C8orf34: variants seen among roughly 807,000 people sequenced by gnomAD.
C8orf34 encodes the protein chromosome 8 open reading frame 34.
A neutral mutation model predicts 68.3 loss-of-function variants in C8orf34; 65 were observed. The observed-to-expected ratio is 0.95, with a 90% confidence interval of 0.78 to 1.17. The LOEUF is 1.17. C8orf34 is among the 50% of genes most tolerant of loss of function. The probability of loss-of-function intolerance (pLI) is 0.00; values close to 1 mark genes in which losing one functional copy is unlikely to be tolerated. For missense variants in C8orf34, 664 were observed against 655.4 expected, an observed-to-expected ratio of 1.01 and a Z score of -0.14; for synonymous variants, 244 against 241.2, an observed-to-expected ratio of 1.01 and a Z score of -0.11.
chr8:68,595,734 T>A (rs1817530313), intron 7 of C8orf34, among the ~76,000 whole-genome samples: 1 of 152,060 alleles, frequency 6.6e-6, no homozygotes, highest in Non-Finnish European at 1.5e-5. Flanking sequence ...CTTTTGTGTA[T>A]TTTTTCTGTA....
At chr8:68,672,356 G>A (rs1482090805) in intron 8 of C8orf34, among the ~76,000 whole-genome samples, 1 of 152,126 alleles carries the variant, frequency 6.6e-6, no homozygotes, top group Non-Finnish European at 1.5e-5. Context: ...CACTGAAAGG[G>A]GCACTGAAGA....
intron 1 of C8orf34, among the ~76,000 whole-genome samples, chr8:68,422,653 C>T (rs962610045): frequency 1.3e-5 from 2 of 152,196 alleles, no homozygotes; most frequent in Non-Finnish European, 2.9e-5. Context: ...TGGTAGCCCT[C>T]TTCTCACAGC....
At chr8:68,412,764 A>G (rs1045826427) in intron 1 of C8orf34, among the ~76,000 whole-genome samples, 10 of 152,088 alleles carry the variant, frequency 6.6e-5, no homozygotes, top group Non-Finnish European at 1.3e-4. Flanking sequence ...GCTTTCAGCC[A>G]TCCTTCTCTC....
At chr8:68,716,221 C>T (rs1228310345) in intron 9 of C8orf34, among the ~76,000 whole-genome samples, 1 of 152,030 alleles carries the variant, frequency 6.6e-6, no homozygotes, top group Non-Finnish European at 1.5e-5. Context: ...GTGTACACTG[C>T]TCCAGTGATG....
chr8:68,539,120 TA>T (rs1357599340), intron 7 of C8orf34, among the ~76,000 whole-genome samples: 1 of 152,218 alleles, frequency 6.6e-6, no homozygotes, highest in Non-Finnish European at 1.5e-5. Context: ...ATTCACTGTG[TA>T]AACAAACCTA....
chr8:68,425,598 T>C (rs1810174674), intron 1 of C8orf34, among the ~76,000 whole-genome samples: 1 of 152,174 alleles, frequency 6.6e-6, no homozygotes, highest in Non-Finnish European at 1.5e-5. Flanking sequence ...TTAAAACATT[T>C]AGCATCTCCA....
intron 7 of C8orf34, among the ~76,000 whole-genome samples, chr8:68,638,832 C>T (rs905070235): frequency 1.3e-4 from 19 of 151,988 alleles, no homozygotes; most frequent in Non-Finnish European, 2.4e-4. Context: ...GCTTGATAAC[C>T]TCTAGTTTAA....
rs189059473 is a variant in C8orf34 at position 68,728,657 on chromosome 8, G to A, written c.1404+7220G>A. ...CTGATAAACCCATCAGATCTCATGA[G>A]ACTTATTCACTATCACAAGGATAGC... On this transcript the variant is annotated intron_variant, in intron 10 of 13. Transcript: ENST00000518698. Among the ~76,000 whole-genome samples the A allele has an allele frequency of 3.3e-5, 5 of 152,282 alleles. No individual in the cohort carries two copies. In the East Asian group the frequency reaches 9.7e-4, roughly 29 times the overall value.
At position 68,757,683 on chromosome 8, in the gene C8orf34, G is replaced by A. The variant is rs546549233; in HGVS notation, c.1405-18716G>A. Among the ~76,000 whole-genome samples, 35 of 152,244 alleles carry A rather than the reference G, an allele frequency of 2.3e-4. No homozygotes were observed. The South Asian group carries it at 6.8e-3, about 30-fold the overall frequency. Reference sequence around the variant, plus strand: ...AAATGTTGCTTATAGGGAATATTGTGGTGAACATGTAAAGAGTAGGTGCAA... The same window carrying A: ...AAATGTTGCTTATAGGGAATATTGTAGTGAACATGTAAAGAGTAGGTGCAA... On this transcript the variant is annotated intron_variant, in intron 10 of 13. Coordinates refer to ENST00000518698, the MANE Select transcript of C8orf34 (RefSeq NM_052958.4).
At chr8:68,702,166 C>T (rs561492321) in intron 8 of C8orf34, among the ~76,000 whole-genome samples, 63 of 151,998 alleles carry the variant, frequency 4.1e-4, no homozygotes, top group Non-Finnish European at 8.1e-4. Context: ...CCAGCTTTAC[C>T]TATTACTCTC....
chr8:68,376,453 T>C (rs1807803708), intron 1 of C8orf34, among the ~76,000 whole-genome samples: 1 of 152,094 alleles, frequency 6.6e-6, no homozygotes, highest in Admixed American at 6.5e-5. Flanking sequence ...GGAATAAGAT[T>C]AGTGTTCCTT....
At chr8:68,578,675 T>G (rs1228594373) in intron 7 of C8orf34, among the ~76,000 whole-genome samples, 1 of 151,844 alleles carries the variant, frequency 6.6e-6, no homozygotes, top group Admixed American at 6.6e-5. Context: ...TTGATCTATA[T>G]TCTGAGGAAA....
intron 7 of C8orf34, among the ~76,000 whole-genome samples, chr8:68,579,540 A>G (rs1050420210): frequency 3.9e-5 from 6 of 152,126 alleles, no homozygotes; most frequent in Non-Finnish European, 8.8e-5. Context: ...CTGATGGTTT[A>G]TCTTACCCCT....
chr8:68,491,321 T>C (rs1813303661), intron 5 of C8orf34, among the ~76,000 whole-genome samples: 1 of 152,168 alleles, frequency 6.6e-6, no homozygotes, highest in African/African-American at 2.4e-5. Flanking sequence ...GACTACTGTA[T>C]TGGCTTTCGA....
Position 68,464,795 on chromosome 8 carries a change from C to T in C8orf34, c.608-3897C>T, listed in dbSNP as rs1375408233. Among the ~76,000 whole-genome samples the T allele has an allele frequency of 3.3e-5, 5 of 151,466 alleles. No individual in the cohort carries two copies. The East Asian group carries it at 5.8e-4, about 18-fold the overall frequency. On this transcript the variant is annotated intron_variant, in intron 3 of 13. Transcript: ENST00000518698. ...CCTTCCTTACACCTTATACAAAAAT[C>T]AATTCAAGATGGATTAAAGACTTAA...
At chr8:68,535,828 G>A in intron 7 of C8orf34, 1 of 975,894 alleles carries the variant, frequency 1.0e-6, no homozygotes, top group Non-Finnish European at 1.2e-6. Context: ...CCAAACTTGT[G>A]AATTTTTAAG....
At chr8:68,656,771 C>A (rs776459025) in intron 8 of C8orf34, among the ~76,000 whole-genome samples, 2 of 152,158 alleles carry the variant, frequency 1.3e-5, no homozygotes, top group Non-Finnish European at 2.9e-5. Flanking sequence ...CCTCTGCCTT[C>A]CTGGATCCAA....
chr8:68,815,988 C>T (rs367719679), intron 13 of C8orf34, 43 bp downstream of exon 13: 19 of 1,613,138 alleles, frequency 1.2e-5, no homozygotes, highest in African/African-American at 6.7e-5. Context: ...CGGGTAATGG[C>T]GGGTACCTTC....
rs1175966114 is a variant in C8orf34 at position 68,728,589 on chromosome 8, G to A, written c.1404+7152G>A. Reference sequence around the variant, plus strand: ...GGTGGTGAAATACACTTCTTACATGGCAGTGGCAAGAGAAAATAAGGAAGA... The same window carrying A: ...GGTGGTGAAATACACTTCTTACATGACAGTGGCAAGAGAAAATAAGGAAGA... On this transcript the variant is annotated intron_variant, in intron 10 of 13. Coordinates refer to ENST00000518698, the MANE Select transcript of C8orf34 (RefSeq NM_052958.4). 2.6e-5 allele frequency among the ~76,000 whole-genome samples: 4 copies of A among 152,186 alleles called. No homozygotes were observed. In the East Asian group the frequency reaches 7.7e-4, roughly 29 times the overall value.
Sources: gnomAD v4.1 joint callset for allele counts (sites outside exome capture counted in the v4.1 genomes callset) on GRCh38, gnomAD v4.1.1 for gene constraint, MANE v1.5 for transcripts, NCBI Gene and HGNC (gene_info 2026-07-23, HGNC 2026-07-21) for gene names.